The following OOSP2 variants were observed in gnomAD, a reference collection of about 807,000 sequenced individuals.
OOSP2 encodes oocyte secreted protein 2, also known as oocyte-secreted protein 2.
In OOSP2, 7 loss-of-function variants were observed where a neutral mutation model predicts 13.4. The ratio of observed to expected loss-of-function variants is 0.52; its 90% CI spans 0.30 to 0.98. The LOEUF (loss-of-function observed/expected upper bound fraction) is 0.98. Ranked by LOEUF, OOSP2 falls within the 50% of genes least tolerant of loss-of-function variation. OOSP2 has a pLI of 0.07. For missense variants in OOSP2, 184 were observed against 188.5 expected, an observed-to-expected ratio of 0.98 and a Z score of 0.14; for synonymous variants, 75 against 67.2, an observed-to-expected ratio of 1.12 and a Z score of -0.57.
At chr11:60,044,834 G>A (rs1854988906) in intron 3 of OOSP2, 60 bp downstream of exon 3, 1 of 774,956 alleles carries the variant, frequency 1.3e-6, no homozygotes, top group African/African-American at 1.7e-5. Context: ...CTTATGAGAA[G>A]CTTCTGCAGA....
intron 3 of OOSP2, among the ~76,000 whole-genome samples, chr11:60,045,457 A>G (rs1227385064): frequency 1.3e-5 from 2 of 152,118 alleles, no homozygotes; most frequent in African/African-American, 4.8e-5. Context: ...AAACCACAGG[A>G]AAATTTTTAT....
rs546312568 is a variant in OOSP2 at position 60,047,381 on chromosome 11, A to G, written c.*308A>G. The G allele has an allele frequency of 2.0e-4, 35 of 178,452 alleles. No homozygotes were observed. The highest frequency in any genetic ancestry group is 8.2e-4 in the African/African-American group (35 of 42,628). 11.1% of individuals were successfully genotyped at this position (178,452 alleles called of 1,614,324 possible). A position where few individuals can be genotyped will look rare whatever the true frequency, so the allele number is the denominator to read the frequency against. ...TCTTCAAAGACAATGACTTGATCTA[A>G]TTGATAAGAACCTCCAATAAATATG... On this transcript the variant is annotated 3_prime_UTR_variant, in exon 4 of 4. Transcript: ENST00000278855.
At position 60,047,099 on chromosome 11, in the gene OOSP2, G is replaced by A. The variant is rs1173052689; in HGVS notation, c.*26G>A. ...GCTAAAGGAGAAATGGAAACTTGAA[G>A]CTGGTGTTATGTATTTTGCAGGAAA... is the stretch of plus-strand genomic sequence containing the variant. On this transcript the variant is annotated 3_prime_UTR_variant, in exon 4 of 4. Transcript: ENST00000278855. The A allele has an allele frequency of 2.5e-6, 4 of 1,578,366 alleles. No homozygotes were observed. Among genetic ancestry groups the A allele is most frequent in the Admixed American group, 1.9e-5 (1 of 52,892 alleles).
intron 3 of OOSP2, chr11:60,046,606 C>CT (rs1855011050): frequency 2.2e-6 from 1 of 449,696 alleles, no homozygotes; most frequent in African/African-American, 2.0e-5. Flanking sequence ...GTGGCTTTTT[C>CT]TTACTGTTCT....
intron 1 of OOSP2, among the ~76,000 whole-genome samples, chr11:60,041,046 A>G (rs563634190): frequency 6.6e-6 from 1 of 152,236 alleles, no homozygotes; most frequent in Non-Finnish European, 1.5e-5. Context: ...GTTGCTGTCT[A>G]CAAGTTGATT....
In OOSP2 at chr11:60,047,405, T is replaced by C. The variant is rs143295946; in HGVS notation, c.*332T>C. 376 of 163,870 alleles carry C rather than the reference T, an allele frequency of 2.3e-3. 18 individuals carry two copies. The South Asian group carries it at 0.062, about 27-fold the overall frequency. 10.2% of individuals were successfully genotyped at this position (163,870 alleles called of 1,614,324 possible). On this transcript the variant is annotated 3_prime_UTR_variant, in exon 4 of 4. Coordinates refer to ENST00000278855, the MANE Select transcript of OOSP2 (RefSeq NM_173801.5). The stretch of plus-strand genomic sequence containing the variant: ...AATTGATAAGAACCTCCAATAAATA[T>C]GTTCTAATATTTTTCAGGAAGAATA...
intron 3 of OOSP2, among the ~76,000 whole-genome samples, chr11:60,046,538 T>G (rs1855010391): frequency 6.6e-6 from 1 of 152,234 alleles, no homozygotes; most frequent in South Asian, 2.1e-4. Flanking sequence ...CATATTCACT[T>G]ACTCACATTG....
chr11:60,047,055 T>C lies in OOSP2; in HGVS notation c.459T>C (p.Ser153=). The C allele has an allele frequency of 6.2e-7, 1 of 1,610,886 alleles. No individual in the cohort carries two copies. ...TTAEELGLLS[S]SPNLL ...CAGAAGAGTTAGGATTATTATCTTC[T>C]AGTCCAAACTTGCTCTGAGCTAAAG... is the stretch of plus-strand genomic sequence containing the variant. The change falls in exon 4 of 4, where the codon TCT becomes TCC. Residue 153 remains serine, a synonymous_variant. Coordinates refer to ENST00000278855, the MANE Select transcript of OOSP2 (RefSeq NM_173801.5).
intron 2 of OOSP2, 44 bp downstream of exon 2, chr11:60,043,691 A>G (rs1236087922): frequency 1.8e-6 from 2 of 1,094,154 alleles, no homozygotes; most frequent in Non-Finnish European, 2.7e-6. Flanking sequence ...ATGTTTTGTC[A>G]GACTTTTATG....
chr11:60,045,660 A>G (rs1854998802), intron 3 of OOSP2, among the ~76,000 whole-genome samples: 1 of 152,032 alleles, frequency 6.6e-6, no homozygotes, highest in Admixed American at 6.6e-5. Flanking sequence ...AATCTTTTTT[A>G]ATTTTGGGAA....
At chr11:60,041,336 A>G (rs1458602318) in intron 1 of OOSP2, among the ~76,000 whole-genome samples, 1 of 152,198 alleles carries the variant, frequency 6.6e-6, no homozygotes, top group Non-Finnish European at 1.5e-5. Flanking sequence ...TGCCTAGATC[A>G]GTGAAGCTCA....
chr11:60,044,471 T>C (rs1468663597), intron 2 of OOSP2, among the ~76,000 whole-genome samples, 200 bp from the exon 3 acceptor site: 2 of 152,242 alleles, frequency 1.3e-5, no homozygotes, highest in East Asian at 1.9e-4. Flanking sequence ...ATTAAGATTG[T>C]TTTGCCCCCA....
chr11:60,043,428 T>TA, intron 1 of OOSP2, 41 bp from the exon 2 acceptor site: 1 of 1,381,068 alleles, frequency 7.2e-7, no homozygotes, highest in Non-Finnish European at 1.0e-6. Flanking sequence ...TTTCTTAAGA[T>TA]AGACACCCTT....
At chr11:60,040,917 T>G in intron 1 of OOSP2, among the ~76,000 whole-genome samples, 1 of 152,210 alleles carries the variant, frequency 6.6e-6, no homozygotes, top group Non-Finnish European at 1.5e-5. Context: ...AGACTCATAT[T>G]TTTGCTTAAT....
rs1393282442 is a variant in OOSP2 at position 60,042,993 on chromosome 11, C to T, written c.65-476C>T. Among the ~76,000 whole-genome samples, 5 of 152,210 alleles carry T rather than the reference C, an allele frequency of 3.3e-5. No individual in the cohort carries two copies. The East Asian group carries it at 9.6e-4, about 29-fold the overall frequency. ...GATCTTGGTTCACTGCAAGCCCCGCCTCCTGGGTTCTCGCCGTTCTCCTGC... is the reference window on the plus strand; with the variant it reads ...GATCTTGGTTCACTGCAAGCCCCGCTTCCTGGGTTCTCGCCGTTCTCCTGC... On this transcript the variant is annotated intron_variant, in intron 1 of 3. Transcript: ENST00000278855.
At chr11:60,046,804 T>A in intron 3 of OOSP2, 140 bp from the exon 4 acceptor site, 1 of 792,220 alleles carries the variant, frequency 1.3e-6, no homozygotes, top group Non-Finnish European at 2.3e-6. Context: ...TCCACGAGGA[T>A]CTAGAAGGCA....
At chr11:60,043,431 A>G in intron 1 of OOSP2, 38 bp from the exon 2 acceptor site, 1 of 1,403,734 alleles carries the variant, frequency 7.1e-7, no homozygotes, top group Non-Finnish European at 1.0e-6. Flanking sequence ...CTTAAGATAG[A>G]CACCCTTCTG....
intron 3 of OOSP2, among the ~76,000 whole-genome samples, chr11:60,046,074 GTCTGTCTCTCTCTC>G (rs1483129982): frequency 2.2e-5 from 3 of 134,664 alleles, no homozygotes; most frequent in African/African-American, 2.7e-5. Context: ...GTCTCTCTCT[GTCTGTCTCTCTCTC>G]TCTGTCTCTG....
At chr11:60,045,550 G>A (rs11230129) in intron 3 of OOSP2, among the ~76,000 whole-genome samples, 1 of 152,140 alleles carries the variant, frequency 6.6e-6, no homozygotes, top group South Asian at 2.1e-4. Flanking sequence ...TGTGATTATA[G>A]TACTTTTTCT....
Sources: allele counts gnomAD v4.1 joint callset (sites outside exome capture counted in the v4.1 genomes callset), GRCh38; gene constraint gnomAD v4.1.1; transcripts MANE v1.5; gene names NCBI Gene and HGNC (gene_info 2026-07-23, HGNC 2026-07-21).